SPIRE1: variants seen among roughly 807,000 people sequenced by gnomAD.
SPIRE1 encodes protein spire homolog 1.
Under a neutral mutation model 94.1 loss-of-function variants are expected in SPIRE1, and 40 were observed. That is an observed-to-expected ratio of 0.43 (90% CI 0.33 to 0.55). SPIRE1 has a LOEUF of 0.55. SPIRE1 is among the 20% of genes least tolerant of loss of function. The pLI is 0.06. For synonymous variants in SPIRE1, 376 were observed against 371.7 expected (o/e 1.01, Z -0.13); for missense variants, 838 against 975.2 (o/e 0.86, Z 1.87).
intron 6 of SPIRE1, among the ~76,000 whole-genome samples, chr18:12,500,423 C>G (rs2143931172): frequency 6.6e-6 from 1 of 152,278 alleles, no homozygotes; most frequent in Non-Finnish European, 1.5e-5. Context: ...TCATATCACA[C>G]TGTTAGGGGA....
intron 4 of SPIRE1, among the ~76,000 whole-genome samples, chr18:12,525,296 A>AAATAATAAT (rs1217410668): frequency 3.3e-5 from 4 of 120,170 alleles, no homozygotes; most frequent in East Asian, 2.5e-4. Flanking sequence ...AAAAAAAAAA[A>AAATAATAAT]AATAATAATA....
At chr18:12,463,295 G>A in intron 12 of SPIRE1, 56 bp downstream of exon 12, 1 of 1,453,818 alleles carries the variant, frequency 6.9e-7, no homozygotes, top group East Asian at 2.3e-5. Flanking sequence ...GAAAGCTAAT[G>A]ATTCTATGTC....
chr18:12,563,979 T>A (rs930908014), intron 2 of SPIRE1, among the ~76,000 whole-genome samples: 4 of 152,158 alleles, frequency 2.6e-5, no homozygotes, highest in Non-Finnish European at 4.4e-5. Flanking sequence ...ATATATTATG[T>A]TTTACATATC....
intron 4 of SPIRE1, among the ~76,000 whole-genome samples, chr18:12,533,964 C>CACAT (rs2034765586): frequency 6.6e-6 from 1 of 151,420 alleles, no homozygotes; most frequent in Non-Finnish European, 1.5e-5. Context: ...CACACACACA[C>CACAT]ACACAACTTA....
intron 1 of SPIRE1, among the ~76,000 whole-genome samples, chr18:12,638,690 G>A (rs1352005083): frequency 1.3e-5 from 2 of 152,152 alleles, no homozygotes. Context: ...GGCCTGGTGG[G>A]AAGTGATTAG....
chr18:12,551,814 C>T (rs1236639111), intron 2 of SPIRE1, among the ~76,000 whole-genome samples: 1 of 152,030 alleles, frequency 6.6e-6, no homozygotes, highest in Non-Finnish European at 1.5e-5. Context: ...ATCACAAAAA[C>T]GGCACCTTCA....
chr18:12,610,851 C>T (rs1042702128), intron 2 of SPIRE1, among the ~76,000 whole-genome samples: 3 of 152,056 alleles, frequency 2.0e-5, no homozygotes, highest in Non-Finnish European at 4.4e-5. Context: ...CTGAAGTAAC[C>T]AGAAGAGAAC....
At chr18:12,452,578 C>G (rs1372522744) in intron 14 of SPIRE1, 66 bp from the exon 15 acceptor site, 2 of 1,495,992 alleles carry the variant, frequency 1.3e-6, no homozygotes, top group African/African-American at 2.8e-5. Context: ...GTTAGAGAAG[C>G]CTATGGCAGT....
chr18:12,660,965 A>G (rs1020257095), upstream of SPIRE1, among the ~76,000 whole-genome samples: 4 of 152,126 alleles, frequency 2.6e-5, no homozygotes, highest in Non-Finnish European at 1.5e-5. Flanking sequence ...TTTTTTGTAT[A>G]AAGACTATAA....
At chr18:12,512,309 C>T (rs1405489490) in intron 5 of SPIRE1, 145 bp downstream of exon 5, 4 of 563,188 alleles carry the variant, frequency 7.1e-6, no homozygotes, top group Non-Finnish European at 1.2e-5. Context: ...GGTTGCAGTA[C>T]CCGGGAGGTG....
upstream of SPIRE1, among the ~76,000 whole-genome samples, chr18:12,659,835 G>A (rs1231699814): frequency 2.0e-5 from 3 of 152,004 alleles, no homozygotes; most frequent in African/African-American, 7.2e-5. Context: ...AAAGCCCAGA[G>A]AGGCAAACAT....
chr18:12,656,529 G>A (rs1007459611), intron 1 of SPIRE1: 2 of 162,462 alleles, frequency 1.2e-5, no homozygotes, highest in African/African-American at 4.8e-5. Context: ...TTAGACAAGG[G>A]TTTTCATTAA....
Position 12,452,355 on chromosome 18 carries a change from T to C in SPIRE1, c.1912A>G (p.Ile638Val), listed in dbSNP as rs769420628. ...LPSKPYSTLP[I>V]FSLGPSALQR... is the part of the protein sequence containing the mutation. ...AGAGCAGAAGGTCCCAATGAAAAGATAGGAAGAGTGGAGTATGGTTTGGAG... is the reference window on the plus strand; with the variant it reads ...AGAGCAGAAGGTCCCAATGAAAAGACAGGAAGAGTGGAGTATGGTTTGGAG... The change falls in exon 16 of 17, where the codon ATC becomes GTC. Residue 638 changes from isoleucine to valine, a missense_variant. Physicochemically the swap from Ile to Val is conservative, Grantham distance 29 (BLOSUM62 3). This residue lies in a region of SPIRE1 where 645 missense variants were observed against 804.7 expected (regional missense o/e 0.80). Coordinates refer to ENST00000409402, the MANE Select transcript of SPIRE1 (RefSeq NM_001128626.2). The C allele has an allele frequency of 2.7e-5, 43 of 1,613,894 alleles. No individual in the cohort carries two copies. Among genetic ancestry groups the C allele is most frequent in the East Asian group, 4.5e-5 (2 of 44,888 alleles).
At chr18:12,640,486 C>A (rs1189142558) in intron 1 of SPIRE1, among the ~76,000 whole-genome samples, 1 of 152,192 alleles carries the variant, frequency 6.6e-6, no homozygotes, top group African/African-American at 2.4e-5. Flanking sequence ...GCACTGATGA[C>A]ACACTGTCGT....
At chr18:12,558,658 C>G (rs1458602363) in intron 2 of SPIRE1, among the ~76,000 whole-genome samples, 1 of 152,194 alleles carries the variant, frequency 6.6e-6, no homozygotes, top group African/African-American at 2.4e-5. Context: ...ACACAGAGTG[C>G]TGACTGGTGC....
chr18:12,660,616 C>T (rs565684151), upstream of SPIRE1, among the ~76,000 whole-genome samples: 16 of 151,986 alleles, frequency 1.1e-4, no homozygotes, highest in Non-Finnish European at 2.2e-4. Context: ...CCACTGTGCC[C>T]GGCCAAAAGA....
At chr18:12,569,526 C>T (rs913406401) in intron 2 of SPIRE1, among the ~76,000 whole-genome samples, 6 of 151,678 alleles carry the variant, frequency 4.0e-5, no homozygotes, top group South Asian at 4.2e-4. Flanking sequence ...AGAAAAATGA[C>T]TGAAACATAA....
chr18:12,531,545 T>C (rs1225724535), intron 4 of SPIRE1, among the ~76,000 whole-genome samples: 1 of 152,190 alleles, frequency 6.6e-6, no homozygotes, highest in East Asian at 1.9e-4. Context: ...GAAAATGCTG[T>C]TATCAGCAGC....
At chr18:12,639,243 C>A (rs767060158) in intron 1 of SPIRE1, among the ~76,000 whole-genome samples, 9 of 149,878 alleles carry the variant, frequency 6.0e-5, no homozygotes, top group Non-Finnish European at 1.3e-4. Context: ...CCACCCTGGG[C>A]GAGACAGCGC....
Sources: allele counts gnomAD v4.1 joint callset (sites outside exome capture counted in the v4.1 genomes callset), GRCh38; gene constraint gnomAD v4.1.1; regional missense constraint gnomAD v4.1.1; transcripts MANE v1.5; gene names NCBI Gene and HGNC (gene_info 2026-07-23, HGNC 2026-07-21).